Variants in TRRAP observed in about 807,000 individuals in gnomAD.
TRRAP encodes the protein transformation/transcription domain-associated protein.
TRRAP carries 41 observed loss-of-function variants against 438.8 expected under a neutral mutation model. The observed-to-expected ratio is 0.09, with a 90% CI of 0.07 to 0.12. The LOEUF (loss-of-function observed/expected upper bound fraction) is 0.12, where lower values mean the gene tolerates loss of function less well. Among genes scored for constraint, TRRAP ranks in the 10% least tolerant of loss-of-function variants. The pLI, the probability that TRRAP is intolerant of heterozygous loss-of-function variation, is 1.00. For synonymous variants in TRRAP, 1,994 were observed against 1,962.9 expected (o/e 1.02, Z -0.42); for missense variants, 3,122 against 5,055.1 (o/e 0.62, Z 11.60).
In TRRAP at chr7:98,994,506, C is replaced by T. The variant is rs1358158985; in HGVS notation, c.10048-81C>T. 22 of 1,577,348 alleles carry T rather than the reference C, an allele frequency of 1.4e-5. No homozygotes were observed. The highest frequency in any genetic ancestry group is 2.3e-4 in the Middle Eastern group (1 of 4,406). Reference sequence around the variant, plus strand: ...AGAGATGACCCTGGGCTGGGAGGGCCGCACTCAATAGGCGCTTTTGGCTGC... The same window carrying T: ...AGAGATGACCCTGGGCTGGGAGGGCTGCACTCAATAGGCGCTTTTGGCTGC... On this transcript the variant is annotated intron_variant, in intron 66 of 72. Coordinates refer to ENST00000456197, the MANE Select transcript of TRRAP (RefSeq NM_001375524.1). This position sits in a 1 kb window ranked among gnomAD's most constrained non-coding sequence, Gnocchi z 4.8.
rs1791537405 is a variant in TRRAP at position 98,955,172 on chromosome 7, C to T, written c.5805C>T (p.Thr1935=). ...TCAGACAGGCGATGGCCATTCTGAC[C>T]CCGGCGGTGCCGGCCAGGATGGAGG... is the stretch of plus-strand genomic sequence containing the variant. ...AIVRQAMAIL[T]PAVPARMEDG... Residue 1935 remains threonine (T), a synonymous_variant, in exon 41 of 73, where the codon ACC becomes ACT. Transcript: ENST00000456197. 1 of 1,614,146 alleles carries T rather than the reference C, an allele frequency of 6.2e-7. No homozygotes were observed.
At chr7:98,958,357 CA>C (rs1236006361) in intron 44 of TRRAP, among the ~76,000 whole-genome samples, 1 of 151,668 alleles carries the variant, frequency 6.6e-6, no homozygotes, top group Non-Finnish European at 1.5e-5. Context: ...GGCTGGAGTG[CA>C]GTGGTGCGAT....
rs138765076 is a variant in TRRAP, at chr7:98,943,159, T to A, written c.4473+142T>A. 105 of 764,260 alleles carry A rather than the reference T, an allele frequency of 1.4e-4. No individual in the cohort carries two copies. In the East Asian group the frequency reaches 1.6e-3, roughly 12 times the overall value. The allele number at this position is 764,260 out of a possible 1,614,324, so 47.3% of individuals were successfully genotyped here. A position where few individuals can be genotyped will look rare whatever the true frequency, so the allele number is the denominator to read the frequency against. On this transcript the variant is annotated intron_variant, in intron 31 of 72. Coordinates refer to ENST00000456197, the MANE Select transcript of TRRAP (RefSeq NM_001375524.1). ...GTCCTTGTAAATTGTTAAACACATT[T>A]GATTGGTATTCTGTTTTGCCTATCT...
At chr7:98,946,288 G>A (rs1791052782) in intron 33 of TRRAP, among the ~76,000 whole-genome samples, 1 of 151,302 alleles carries the variant, frequency 6.6e-6, no homozygotes, top group African/African-American at 2.4e-5. Flanking sequence ...CTCACACAGA[G>A]TATATTGTGC....
In TRRAP at chr7:99,012,519, T is replaced by G. The variant is rs902112976; in HGVS notation, c.*164T>G. 1 of 876,926 alleles carries G rather than the reference T, an allele frequency of 1.1e-6. No homozygotes were observed. Among genetic ancestry groups the G allele is most frequent in the African/African-American group, 1.7e-5 (1 of 59,176 alleles). The allele number at this position is 876,926 out of a possible 1,614,324, so 54.3% of individuals were successfully genotyped here. A position where few individuals can be genotyped will look rare whatever the true frequency, so the allele number is the denominator to read the frequency against. ...GTTTGCGTGTAAGAAAGGGAGAATA[T>G]AGTTTTAGAGGAAGCTGAACTATGA... On this transcript the variant is annotated 3_prime_UTR_variant, in exon 73 of 73. Transcript: ENST00000456197. This position sits in a 1 kb window ranked among gnomAD's most constrained non-coding sequence, Gnocchi z 5.9.
At chr7:98,884,776 C>T (rs1795616542) in intron 3 of TRRAP, among the ~76,000 whole-genome samples, 1 of 152,152 alleles carries the variant, frequency 6.6e-6, no homozygotes, top group Non-Finnish European at 1.5e-5. Context: ...CTTGCTGAAC[C>T]CCAGTTGGAA....
At chr7:98,933,467 T>A in intron 27 of TRRAP, 65 bp downstream of exon 27, 2 of 1,546,090 alleles carry the variant, frequency 1.3e-6, no homozygotes, top group South Asian at 2.4e-5. Flanking sequence ...CCTGTCTTTG[T>A]ACGCGAAGAC....
chr7:99,004,514 A>G (rs1794073451), intron 68 of TRRAP, 99 bp downstream of exon 68: 4 of 1,027,622 alleles, frequency 3.9e-6, no homozygotes, highest in South Asian at 3.1e-5. Flanking sequence ...AATTTTGGAC[A>G]CAGATTCCCT....
At chr7:99,001,973 C>G (rs1793942792) in intron 67 of TRRAP, among the ~76,000 whole-genome samples, 1 of 152,144 alleles carries the variant, frequency 6.6e-6, no homozygotes, top group Non-Finnish European at 1.5e-5. Context: ...ATTATTGATA[C>G]ACAGTAACGT....
At chr7:99,009,675 G>A (rs1184567047) in intron 70 of TRRAP, among the ~76,000 whole-genome samples, 3 of 152,126 alleles carry the variant, frequency 2.0e-5, no homozygotes, top group Non-Finnish European at 2.9e-5. Context: ...TTTCGACAGC[G>A]TGGAAGCCAG....
intron 5 of TRRAP, among the ~76,000 whole-genome samples, chr7:98,893,111 C>G (rs1796047602): frequency 6.6e-6 from 1 of 152,140 alleles, no homozygotes. Flanking sequence ...GCCACCATGC[C>G]TAGCTGATTT....
chr7:98,897,052 T>C (rs1156517871), intron 7 of TRRAP, among the ~76,000 whole-genome samples: 7 of 152,100 alleles, frequency 4.6e-5, no homozygotes, highest in African/African-American at 1.7e-4. Context: ...TTGGCCAACG[T>C]GGTGAAACCC....
intron 67 of TRRAP, among the ~76,000 whole-genome samples, chr7:98,996,460 T>TCAGCACATGAGTGATTG (rs1202753654): frequency 1.3e-5 from 2 of 152,222 alleles, no homozygotes; most frequent in African/African-American, 2.4e-5. Context: ...CTCTCAAGTG[T>TCAGCACATGAGTGATTG]CAGCACATGA....
intron 68 of TRRAP, 58 bp downstream of exon 68, chr7:99,004,473 C>G (rs1419072994): frequency 1.3e-6 from 2 of 1,496,322 alleles, no homozygotes; most frequent in African/African-American, 2.8e-5. Context: ...ACATGGAGCC[C>G]CATGGGAGCT....
At chr7:98,950,734 A>G (rs1470841372) in intron 38 of TRRAP, 142 bp from the exon 39 acceptor site, 6 of 951,288 alleles carry the variant, frequency 6.3e-6, no homozygotes, top group Non-Finnish European at 8.9e-6. Flanking sequence ...CTCTTTGCAT[A>G]GGAGTCAAGG....
chr7:98,961,516 C>T (rs574966135), intron 46 of TRRAP, 42 bp downstream of exon 46: 34 of 1,602,344 alleles, frequency 2.1e-5, no homozygotes, highest in Admixed American at 2.0e-4. Flanking sequence ...TCAAAGTGGA[C>T]GGTGGGCGCG....
intron 13 of TRRAP, among the ~76,000 whole-genome samples, chr7:98,907,697 A>T (rs971918126): frequency 6.6e-6 from 1 of 152,292 alleles, no homozygotes; most frequent in African/African-American, 2.4e-5. Context: ...CCTGTTCTAC[A>T]TCTTGTGTTG....
intron 30 of TRRAP, among the ~76,000 whole-genome samples, chr7:98,940,396 G>A (rs916679339): frequency 1.3e-5 from 2 of 152,104 alleles, no homozygotes; most frequent in Non-Finnish European, 2.9e-5. Context: ...CGTCATGTTG[G>A]CCAGGCTGGT....
At position 98,978,070 on chromosome 7, in the gene TRRAP, A is replaced by G. The variant is rs142421140; in HGVS notation, c.8386-141A>G. 736 of 720,560 alleles carry G rather than the reference A, an allele frequency of 1.0e-3. 2 individuals are homozygous for G. In the African/African-American group the frequency reaches 0.011, roughly 11 times the overall value. The allele number at this position is 720,560 out of a possible 1,614,324, so 44.6% of individuals were successfully genotyped here. On this transcript the variant is annotated intron_variant, in intron 56 of 72. Coordinates refer to ENST00000456197, the MANE Select transcript of TRRAP (RefSeq NM_001375524.1). ...TGAGGCAGGAGGGTCCCTTGAGCCTAGGAATTAAGAGTTTGAGTCCAGCTT... is the reference window on the plus strand; with the variant it reads ...TGAGGCAGGAGGGTCCCTTGAGCCTGGGAATTAAGAGTTTGAGTCCAGCTT...
Sources: gnomAD v4.1 joint callset for allele counts (sites outside exome capture counted in the v4.1 genomes callset) on GRCh38, gnomAD v4.1.1 for gene constraint, Gnocchi (gnomAD v3.1) non-coding constraint, MANE v1.5 for transcripts, NCBI Gene and HGNC (gene_info 2026-07-23, HGNC 2026-07-21) for gene names.